The following PIK3CD variants were observed in gnomAD, a reference collection of about 807,000 sequenced individuals.
The protein encoded by PIK3CD is phosphatidylinositol-4,5-bisphosphate 3-kinase catalytic subunit delta.
A neutral mutation model predicts 122.9 loss-of-function variants in PIK3CD; 20 were observed. The observed-to-expected ratio is 0.16, with a 90% CI of 0.11 to 0.24. PIK3CD has a LOEUF of 0.24. Among genes scored for constraint, PIK3CD ranks in the 10% least tolerant of loss-of-function variants. The probability of loss-of-function intolerance (pLI) is 1.00; values close to 1 mark genes in which losing one functional copy is unlikely to be tolerated. For missense variants in PIK3CD, 787 were observed against 1,406.3 expected, an observed-to-expected ratio of 0.56 and a Z score of 7.04; for synonymous variants, 596 against 593.4, an observed-to-expected ratio of 1.00 and a Z score of -0.06.
chr1:9,696,418 C>A (rs1646418671), intron 2 of PIK3CD, among the ~76,000 whole-genome samples: 1 of 151,800 alleles, frequency 6.6e-6, no homozygotes, highest in African/African-American at 2.4e-5. Context: ...GAGACCCCAT[C>A]TCTACAAGAA....
chr1:9,642,241 T>A, the PIK3CD span, among the ~76,000 whole-genome samples: 1 of 151,754 alleles, frequency 6.6e-6, no homozygotes, highest in Non-Finnish European at 1.5e-5. Context: ...GCCTCCTGAG[T>A]AGCTGGGACT....
At chr1:9,684,382 C>G (rs375457667) in intron 1 of PIK3CD, among the ~76,000 whole-genome samples, 2 of 151,528 alleles carry the variant, frequency 1.3e-5, no homozygotes, top group Non-Finnish European at 2.9e-5. Flanking sequence ...ACTGAAAATA[C>G]AAAAATTAGC....
rs1181357330 is a variant in PIK3CD at position 9,727,402 on chromosome 1, TCCTGGCG to T, written c.*364_*370del. ...CAGGCCTCCCGCCAGACTGCCTGGG[TCCTGGCG>T]CCTGGCGGTCACCTGGTGCCTACTG... On this transcript the variant is annotated 3_prime_UTR_variant, in exon 24 of 24. Transcript: ENST00000377346. The T allele has an allele frequency of 2.4e-6, 1 of 423,024 alleles. No homozygotes were observed. The highest frequency in any genetic ancestry group is 2.2e-5 in the South Asian group (1 of 45,704). 26.2% of individuals were successfully genotyped at this position (423,024 alleles called of 1,614,324 possible). A position where few individuals can be genotyped will look rare whatever the true frequency, so the allele number is the denominator to read the frequency against.
chr1:9,655,697 C>CTTT (rs576002642), intron 1 of PIK3CD, among the ~76,000 whole-genome samples: 10 of 120,734 alleles, frequency 8.3e-5, no homozygotes, highest in East Asian at 5.0e-4. Context: ...CTTTTTTCTT[C>CTTT]TTTTTTTTTT....
At chr1:9,688,730 G>A (rs564867444) in intron 1 of PIK3CD, among the ~76,000 whole-genome samples, 1 of 152,192 alleles carries the variant, frequency 6.6e-6, no homozygotes, top group East Asian at 1.9e-4. Flanking sequence ...CGGGAGGCTG[G>A]GGTGAGAGGA....
the PIK3CD span, among the ~76,000 whole-genome samples, chr1:9,639,754 G>A: frequency 3.9e-5 from 6 of 152,178 alleles, no homozygotes; most frequent in Non-Finnish European, 5.9e-5. Context: ...CTTTGAGACA[G>A]AGGCTCGCTC....
rs1646090801 is a variant in PIK3CD, at chr1:9,689,173, T to C, written c.-137-2294T>C. On this transcript the variant is annotated intron_variant, in intron 1 of 23. Coordinates refer to ENST00000377346, the MANE Select transcript of PIK3CD (RefSeq NM_005026.5). This position sits in a 1 kb window ranked among gnomAD's most constrained non-coding sequence, Gnocchi z 6.1. Reference sequence around the variant, plus strand: ...AAGCAGTTTGGTGGACGACCAGCCCTCCCTTGCTTTGCAGGTGGCGCTTTC... The same window carrying C: ...AAGCAGTTTGGTGGACGACCAGCCCCCCCTTGCTTTGCAGGTGGCGCTTTC... Among the ~76,000 whole-genome samples the C allele has an allele frequency of 6.6e-6, 1 of 152,120 alleles. No individual in the cohort carries two copies. Among genetic ancestry groups the C allele is most frequent in the South Asian group, 2.1e-4 (1 of 4,830 alleles).
the PIK3CD span, among the ~76,000 whole-genome samples, chr1:9,640,819 C>T: frequency 6.6e-6 from 1 of 152,190 alleles, no homozygotes; most frequent in East Asian, 1.9e-4. Flanking sequence ...CAGCTGCCCC[C>T]TCCCGCATCC....
In PIK3CD at chr1:9,721,562, G is replaced by A. The variant is rs971647866; in HGVS notation, c.1930G>A (p.Gly644Ser). The change falls in exon 15 of 24, where the codon GGC (glycine) becomes AGC (serine). Residue 644 changes from glycine (G) to serine (S), a missense_variant. By Grantham distance (56) the Gly-to-Ser change is moderately conservative. Transcript: ENST00000377346. ...LDRALANRKIGHFLFWHLRSE... is the reference protein window; with the variant it reads ...LDRALANRKISHFLFWHLRSE... The stretch of plus-strand genomic sequence containing the variant: ...CCGGGCCCTGGCCAACCGCAAGATC[G>A]GCCACTTCCTTTTCTGGCACCTCCG... 1 of 1,613,572 alleles carries A rather than the reference G, an allele frequency of 6.2e-7. No homozygotes were observed. The highest frequency in any genetic ancestry group is 8.5e-7 in the Non-Finnish European group (1 of 1,180,026).
chr1:9,652,305 G>A lies in PIK3CD; in HGVS notation c.-138+503G>A, dbSNP rs890150027. Among the ~76,000 whole-genome samples, 1 of 152,200 alleles carries A rather than the reference G, an allele frequency of 6.6e-6. No homozygotes were observed. The highest frequency in any genetic ancestry group is 1.5e-5 in the Non-Finnish European group (1 of 68,022). ...GATGTCGCCCGAGTGCCCTGGCGCG[G>A]AGAGAGGGCTGCGCACAGTTCGCCG... On this transcript the variant is annotated intron_variant, in intron 1 of 23. Coordinates refer to ENST00000377346, the MANE Select transcript of PIK3CD (RefSeq NM_005026.5). The surrounding 1 kb of genome is among the most constrained non-coding windows in gnomAD (Gnocchi z 6.2).
upstream of PIK3CD, among the ~76,000 whole-genome samples, chr1:9,649,673 TTACTTCCCAG>T (rs1221754290): frequency 2.6e-5 from 4 of 152,112 alleles, no homozygotes; most frequent in Non-Finnish European, 5.9e-5. Context: ...AACAGCTGCT[TTACTTCCCAG>T]GCTGGATTGA....
In PIK3CD at chr1:9,724,797, C is replaced by T. The variant is rs755915812; in HGVS notation, c.2865-7C>T. ...AGAGCCTCACTTCCTCTGTCCCCTA[C>T]CTGCAGGTTCCGGGGCTACTGTGAA... On this transcript the variant is annotated splice_region_variant and splice_polypyrimidine_tract_variant and intron_variant, in intron 22 of 23. Transcript: ENST00000377346. The surrounding 1 kb of genome is among the most constrained non-coding windows in gnomAD (Gnocchi z 7.3). The T allele has an allele frequency of 1.2e-6, 2 of 1,612,518 alleles. No individual in the cohort carries two copies. Among genetic ancestry groups the T allele is most frequent in the South Asian group, 1.1e-5 (1 of 91,034 alleles).
the PIK3CD span, among the ~76,000 whole-genome samples, chr1:9,629,992 C>T: frequency 0.025 from 3,873 of 152,338 alleles, 156 homozygotes; most frequent in African/African-American, 0.086. Flanking sequence ...CAGGACACCA[C>T]GAGGTTGGGA....
chr1:9,687,633 C>T (rs1489558969), intron 1 of PIK3CD: 1 of 152,088 alleles, frequency 6.6e-6, no homozygotes, highest in Admixed American at 6.5e-5. Flanking sequence ...GGGCTCCGCC[C>T]TCTCCCGGGA....
intron 1 of PIK3CD, among the ~76,000 whole-genome samples, chr1:9,683,056 G>T (rs9662761): frequency 0.33 from 38,559 of 118,206 alleles, 6,104 homozygotes; most frequent in African/African-American, 0.47. Flanking sequence ...TTTTTTTTTT[G>T]GGGGGCTGGG....
chr1:9,717,230 G>C lies in PIK3CD; in HGVS notation c.930+122G>C. 1 of 1,300,710 alleles carries C rather than the reference G, an allele frequency of 7.7e-7. No individual in the cohort carries two copies. Among genetic ancestry groups the C allele is most frequent in the Non-Finnish European group, 1.1e-6 (1 of 914,964 alleles). The allele number at this position is 1,300,710 out of a possible 1,614,324, so 80.6% of individuals were successfully genotyped here. A position where few individuals can be genotyped will look rare whatever the true frequency, so the allele number is the denominator to read the frequency against. ...GTATGGAGAGCTGGGGCTTTGAGCT[G>C]GGGAAGCCAACACAGCTGACCAGCG... is the stretch of plus-strand genomic sequence containing the variant. On this transcript the variant is annotated intron_variant, in intron 7 of 23. Coordinates refer to ENST00000377346, the MANE Select transcript of PIK3CD (RefSeq NM_005026.5). This position sits in a 1 kb window ranked among gnomAD's most constrained non-coding sequence, Gnocchi z 5.4.
Position 9,721,830 on chromosome 1 carries a change from C to T in PIK3CD, c.2025C>T (p.Ser675=), listed in dbSNP as rs1135424. 1.2e-6 allele frequency: 2 copies of T among 1,613,040 alleles called. No individual in the cohort carries two copies. The highest frequency in any genetic ancestry group is 1.3e-5 in the African/African-American group (1 of 74,930). Residue 675 remains serine (S), a synonymous_variant, in exon 16 of 24, where the codon AGC becomes AGT. Transcript: ENST00000377346. ...GLILEAYCRG[S]THHMKVLMKQ... ...TCCTGGAGGCCTACTGCAGGGGCAG[C>T]ACCCACCACATGAAGGTGCTGATGA... is the stretch of plus-strand genomic sequence containing the variant.
At chr1:9,708,742 G>A (rs1055444326) in intron 2 of PIK3CD, among the ~76,000 whole-genome samples, 4 of 152,014 alleles carry the variant, frequency 2.6e-5, no homozygotes, top group South Asian at 2.1e-4. Flanking sequence ...CCAGCTACTC[G>A]GGAGGCTGAG....
At chr1:9,725,704 C>A (rs1649444868) in intron 23 of PIK3CD, among the ~76,000 whole-genome samples, 1 of 151,490 alleles carries the variant, frequency 6.6e-6, no homozygotes, top group East Asian at 1.9e-4. Flanking sequence ...TGGTGAAACC[C>A]TGTCTCTACT....
Sources: allele counts gnomAD v4.1 joint callset (sites outside exome capture counted in the v4.1 genomes callset), GRCh38; gene constraint gnomAD v4.1.1; non-coding constraint Gnocchi (gnomAD v3.1); transcripts MANE v1.5; gene names NCBI Gene and HGNC (gene_info 2026-07-23, HGNC 2026-07-21).